The following PRRG1 variants were observed in gnomAD, a reference collection of about 807,000 sequenced individuals.
The protein encoded by PRRG1 is transmembrane gamma-carboxyglutamic acid protein 1.
A neutral mutation model predicts 11.8 loss-of-function variants in PRRG1; 5 were observed. That is an observed-to-expected ratio of 0.42 (90% CI 0.22 to 0.89). The LOEUF is 0.89. PRRG1 is among the 40% of genes least tolerant of loss of function. The pLI is 0.28. For synonymous variants in PRRG1, 66 were observed against 60.4 expected (o/e 1.09, Z -0.43); for missense variants, 155 against 166.1 (o/e 0.93, Z 0.37).
At chrX:37,349,856 C>T (rs1332825046) in intron 1 of PRRG1, among the ~76,000 whole-genome samples, 2 of 110,977 alleles carry the variant, frequency 1.8e-5, no homozygotes, top group Non-Finnish European at 3.8e-5. Flanking sequence ...GGCTGTCGGC[C>T]CGGGCTAGTC....
At chrX:37,450,530 T>C (rs893709170) in intron 3 of PRRG1, among the ~76,000 whole-genome samples, 13 of 112,491 alleles carry the variant, frequency 1.2e-4, no homozygotes, top group African/African-American at 2.6e-4. Flanking sequence ...AGAAATTGAA[T>C]TATGCAAGCA....
chrX:37,420,682 A>T (rs1932632550), intron 2 of PRRG1, among the ~76,000 whole-genome samples: 1 of 105,506 alleles, frequency 9.5e-6, no homozygotes. Flanking sequence ...AAAAAAAAAA[A>T]AAAAAGAAAA....
chrX:37,400,340 G>A (rs192850019), intron 1 of PRRG1, among the ~76,000 whole-genome samples: 99 of 111,429 alleles, frequency 8.9e-4, no homozygotes, highest in African/African-American at 2.9e-3. Flanking sequence ...ACTCAAAACC[G>A]CTCAACTACA....
intron 3 of PRRG1, among the ~76,000 whole-genome samples, chrX:37,426,418 C>T (rs782158616): frequency 5.4e-5 from 6 of 111,755 alleles, no homozygotes; most frequent in South Asian, 3.7e-4. Context: ...CTTCCCACTC[C>T]GCGAGAATAC....
intron 1 of PRRG1, among the ~76,000 whole-genome samples, chrX:37,351,309 A>G (rs1233181508): frequency 9.0e-6 from 1 of 110,900 alleles, no homozygotes; most frequent in Non-Finnish European, 1.9e-5. Context: ...CCTGGCTAAC[A>G]TGGTGAAACC....
intron 1 of PRRG1, among the ~76,000 whole-genome samples, chrX:37,400,945 ATC>A (rs1931949837): frequency 9.0e-6 from 1 of 111,107 alleles, no homozygotes; most frequent in African/African-American, 3.3e-5. Context: ...AAGAAGTTGA[ATC>A]TCTGAATAGA....
At chrX:37,354,431 C>T (rs1272134734) in intron 1 of PRRG1, among the ~76,000 whole-genome samples, 5 of 105,716 alleles carry the variant, frequency 4.7e-5, no homozygotes, top group African/African-American at 1.0e-4. Context: ...CTCACTCTGT[C>T]GCCCAGGCTG....
Position 37,420,455 on chromosome X carries a change from A to G in PRRG1, c.11-5385A>G, listed in dbSNP as rs782779326. On this transcript the variant is annotated intron_variant, in intron 2 of 3. Coordinates refer to ENST00000378628, the MANE Select transcript of PRRG1 (RefSeq NM_001142395.2). ...AGAAGAGCTATGGAATGCTAGGTTC[A>G]TTTGTAGAAAGTCCTCATTCTCTGT... Among the ~76,000 whole-genome samples the G allele has an allele frequency of 4.5e-5, 5 of 110,734 alleles. No individual in the cohort carries two copies. The East Asian group carries it at 1.4e-3, about 31-fold the overall frequency.
intron 2 of PRRG1, among the ~76,000 whole-genome samples, chrX:37,417,723 G>GA (rs1292180015): frequency 1.8e-5 from 2 of 109,284 alleles, no homozygotes; most frequent in South Asian, 3.9e-4. Flanking sequence ...TATTTCAGCA[G>GA]AAAAAAAAAG....
intron 2 of PRRG1, among the ~76,000 whole-genome samples, chrX:37,419,953 G>A (rs1602020363): frequency 9.0e-6 from 1 of 111,683 alleles, no homozygotes; most frequent in Non-Finnish European, 1.9e-5. Context: ...ACAGACTCAC[G>A]GCAAGTTAAT....
chrX:37,446,902 C>T (rs1354108878), intron 3 of PRRG1, among the ~76,000 whole-genome samples: 3 of 111,288 alleles, frequency 2.7e-5, no homozygotes, highest in African/African-American at 9.8e-5. Flanking sequence ...AGTCCAGTCT[C>T]TCCAAAGCAA....
At chrX:37,430,809 G>GTATA (rs1932820112) in intron 3 of PRRG1, among the ~76,000 whole-genome samples, 1 of 111,151 alleles carries the variant, frequency 9.0e-6, no homozygotes. Flanking sequence ...TTTATCACTT[G>GTATA]TATAGATTTG....
At chrX:37,399,442 G>C (rs1221998564) in intron 1 of PRRG1, among the ~76,000 whole-genome samples, 12 of 109,063 alleles carry the variant, frequency 1.1e-4, no homozygotes, top group African/African-American at 4.0e-4. Context: ...GAGAGATTTT[G>C]TCACCACCAG....
chrX:37,433,478 A>G (rs782710644), intron 3 of PRRG1, among the ~76,000 whole-genome samples: 31 of 109,441 alleles, frequency 2.8e-4, no homozygotes, highest in African/African-American at 9.9e-4. Flanking sequence ...TCATTTTCAC[A>G]GTGAGAAAGC....
In PRRG1 at chrX:37,420,582, C is replaced by T. The variant is rs12689997; in HGVS notation, c.11-5258C>T. On this transcript the variant is annotated intron_variant, in intron 2 of 3. Coordinates refer to ENST00000378628, the MANE Select transcript of PRRG1 (RefSeq NM_001142395.2). ...GTGCTATGGTTCATGCCTGTAATCC[C>T]AGCACTTTGGGAGGCCAAGGTGGGA... 1.1e-4 allele frequency among the ~76,000 whole-genome samples: 11 copies of T among 102,560 alleles called. No individual in the cohort carries two copies. The East Asian group carries it at 2.4e-3, about 22-fold the overall frequency. 89.1% of individuals were successfully genotyped at this position (102,560 alleles called of 115,157 possible). A position where few individuals can be genotyped will look rare whatever the true frequency, so the allele number is the denominator to read the frequency against.
chrX:37,446,191 G>A (rs781783276), intron 3 of PRRG1, among the ~76,000 whole-genome samples: 1 of 112,263 alleles, frequency 8.9e-6, no homozygotes, highest in South Asian at 3.7e-4. Context: ...GCACCTCCAT[G>A]TAAGAGGAGT....
intron 3 of PRRG1, among the ~76,000 whole-genome samples, chrX:37,443,046 G>A (rs1933013860): frequency 8.9e-6 from 1 of 112,161 alleles, no homozygotes; most frequent in Non-Finnish European, 1.9e-5. Context: ...GAATGTAGAG[G>A]GGTTGGGGAG....
intron 1 of PRRG1, among the ~76,000 whole-genome samples, chrX:37,357,825 C>G (rs1930287881): frequency 8.9e-6 from 1 of 112,306 alleles, no homozygotes; most frequent in African/African-American, 3.2e-5. Flanking sequence ...AAGAAATTGA[C>G]AAAGTGTCTT....
At chrX:37,377,351 A>G (rs186614209) in intron 1 of PRRG1, among the ~76,000 whole-genome samples, 12 of 112,058 alleles carry the variant, frequency 1.1e-4, no homozygotes, top group Non-Finnish European at 2.3e-4. Flanking sequence ...TATGATAGCC[A>G]AAGTAAATGA....
Sources: gnomAD v4.1 joint callset for allele counts (sites outside exome capture counted in the v4.1 genomes callset) on GRCh38, gnomAD v4.1.1 for gene constraint, MANE v1.5 for transcripts, NCBI Gene and HGNC (gene_info 2026-07-23, HGNC 2026-07-21) for gene names.